DNAH9: variants seen among roughly 807,000 people sequenced by gnomAD.
DNAH9 encodes the protein DNAH9 variant protein.
DNAH9 carries 345 observed loss-of-function variants against 471.6 expected under a neutral mutation model. The observed-to-expected ratio is 0.73, with a 90% CI of 0.67 to 0.80. The LOEUF (loss-of-function observed/expected upper bound fraction) is 0.80, where lower values mean the gene tolerates loss of function less well. Among genes scored for constraint, DNAH9 ranks in the 30% least tolerant of loss-of-function variants. The pLI is 0.00. For synonymous variants in DNAH9, 2,093 were observed against 2,123.6 expected, an observed-to-expected ratio of 0.99 and a Z score of 0.40; for missense variants, 5,407 against 5,609.2, an observed-to-expected ratio of 0.96 and a Z score of 1.15.
chr17:11,787,782 TAGTG>T (rs1395823091), intron 41 of DNAH9, among the ~76,000 whole-genome samples: 4 of 152,194 alleles, frequency 2.6e-5, no homozygotes, highest in Non-Finnish European at 5.9e-5. Flanking sequence ...GTTCTTGTGG[TAGTG>T]AGTAAGTCTC....
intron 23 of DNAH9, among the ~76,000 whole-genome samples, chr17:11,700,773 G>A (rs1194611641): frequency 6.6e-6 from 1 of 152,202 alleles, no homozygotes; most frequent in Admixed American, 6.5e-5. Context: ...CATACTCAGA[G>A]TGGACAAGGT....
rs1567719967 is a variant in DNAH9 at position 11,689,618 on chromosome 17, C to T, written c.3796C>T (p.Gln1266Ter). 6.2e-7 allele frequency: 1 copy of T among 1,614,048 alleles called. No individual in the cohort carries two copies. Among genetic ancestry groups the T allele is most frequent in the South Asian group, 1.1e-5 (1 of 91,074 alleles). The stretch of plus-strand genomic sequence containing the variant: ...GCTGGATGCCAGGCACATCGAGATC[C>T]AGCAGATGGAATCCACTATGGCCTC... ...QMLDARHIEI[Q>*]QMESTMASIS... The change falls in exon 20 of 69, where the codon CAG (glutamine) becomes TAG (stop). Residue 1266 changes from glutamine (Q) to a stop codon, truncating the protein, a stop_gained. Coordinates refer to ENST00000262442, the MANE Select transcript of DNAH9 (RefSeq NM_001372.4). LOFTEE classifies it high-confidence loss of function.
At chr17:11,698,147 T>TA (rs1567728377) in intron 22 of DNAH9, among the ~76,000 whole-genome samples, 2 of 122,990 alleles carry the variant, frequency 1.6e-5, no homozygotes, top group African/African-American at 7.3e-5. Context: ...TATATTAGTA[T>TA]TATATTATTA....
chr17:11,924,506 T>C (rs544454037), intron 62 of DNAH9, among the ~76,000 whole-genome samples: 1 of 152,146 alleles, frequency 6.6e-6, no homozygotes, highest in East Asian at 1.9e-4. Context: ...GAGAGTTAAA[T>C]TAAAGAATTT....
intron 51 of DNAH9, 64 bp downstream of exon 51, chr17:11,869,317 G>A: frequency 6.3e-7 from 1 of 1,592,616 alleles, no homozygotes; most frequent in Non-Finnish European, 8.5e-7. Flanking sequence ...ATGCCGTGGA[G>A]GTGCAAGATA....
chr17:11,727,888 T>C lies in DNAH9; in HGVS notation c.5780T>C (p.Ile1927Thr). ...GGCTGCTTTGATGAGTTTAATCGAA[T>C]CTCCGTGGAGGTCTTGTCAGTGGTG... Reference protein sequence around the residue: ...AWGCFDEFNRISVEVLSVVAV... With the variant: ...AWGCFDEFNRTSVEVLSVVAV... The change falls in exon 28 of 69, where the codon ATC (isoleucine) becomes ACC (threonine). Residue 1927 changes from isoleucine (I) to threonine (T), a missense_variant. Coordinates refer to ENST00000262442, the MANE Select transcript of DNAH9 (RefSeq NM_001372.4). The C allele has an allele frequency of 6.2e-7, 1 of 1,614,126 alleles. No homozygotes were observed.
chr17:11,921,603 A>T (rs1003418209), intron 61 of DNAH9, among the ~76,000 whole-genome samples: 18 of 152,224 alleles, frequency 1.2e-4, no homozygotes, highest in African/African-American at 4.1e-4. Flanking sequence ...TCAAGGCCCA[A>T]TAAGCCATCT....
At chr17:11,763,415 G>A in intron 35 of DNAH9, 25 bp from the exon 36 acceptor site, 2 of 1,607,264 alleles carry the variant, frequency 1.2e-6, no homozygotes, top group Non-Finnish European at 1.7e-6. Context: ...CTGTGTTTCA[G>A]ATCCCCTCGG....
chr17:11,640,428 G>T, intron 10 of DNAH9, 44 bp downstream of exon 10: 1 of 1,266,816 alleles, frequency 7.9e-7, no homozygotes, highest in Non-Finnish European at 1.2e-6. Context: ...TTGGGCTGCT[G>T]TTCCTGCTCT....
chr17:11,787,231 C>A (rs1417370361), intron 41 of DNAH9, among the ~76,000 whole-genome samples: 2 of 152,156 alleles, frequency 1.3e-5, no homozygotes, highest in African/African-American at 4.8e-5. Flanking sequence ...AGAAGTGAGA[C>A]ACAGAAACAG....
At chr17:11,963,548 C>T (rs747524170) in intron 68 of DNAH9, among the ~76,000 whole-genome samples, 5 of 151,792 alleles carry the variant, frequency 3.3e-5, no homozygotes, top group African/African-American at 9.7e-5. Context: ...ACTAACTATC[C>T]GGTACTATGC....
Position 11,929,972 on chromosome 17 carries a change from C to G in DNAH9, c.11984C>G (p.Ala3995Gly). The G allele has an allele frequency of 6.2e-7, 1 of 1,614,046 alleles. No homozygotes were observed. The change falls in exon 63 of 69, where the codon GCA becomes GGA. Residue 3995 changes from alanine to glycine, a missense_variant. By Grantham distance (60) the Ala-to-Gly change is moderately conservative. Transcript: ENST00000262442. ...AGGGTCTTCATGAGTGCAGAGCCAGCACCCTCCCCTGAGGGCCACATCATC... is the reference window on the plus strand; with the variant it reads ...AGGGTCTTCATGAGTGCAGAGCCAGGACCCTCCCCTGAGGGCCACATCATC... ...EFRVFMSAEPAPSPEGHIIPQ... is the reference protein window; with the variant it reads ...EFRVFMSAEPGPSPEGHIIPQ...
Position 11,962,318 on chromosome 17 carries a change from C to T in DNAH9, c.13233+62C>T. ...GGGCTGATTAAATACACATTGCTTCCTATGAAGTGTGACTACTAAAAGAGA... is the reference window on the plus strand; with the variant it reads ...GGGCTGATTAAATACACATTGCTTCTTATGAAGTGTGACTACTAAAAGAGA... On this transcript the variant is annotated intron_variant, in intron 68 of 68. Coordinates refer to ENST00000262442, the MANE Select transcript of DNAH9 (RefSeq NM_001372.4). The surrounding 1 kb of genome is among the most constrained non-coding windows in gnomAD (Gnocchi z 4.1). 1 of 1,509,304 alleles carries T rather than the reference C, an allele frequency of 6.6e-7. No individual in the cohort carries two copies. 93.5% of individuals were successfully genotyped at this position (1,509,304 alleles called of 1,614,324 possible).
intron 66 of DNAH9, among the ~76,000 whole-genome samples, 156 bp from the exon 67 acceptor site, chr17:11,942,147 T>A (rs1163767409): frequency 2.6e-5 from 4 of 152,202 alleles, no homozygotes; most frequent in Non-Finnish European, 4.4e-5. Flanking sequence ...CTGACCTAGT[T>A]GACCTCGACA....
intron 61 of DNAH9, among the ~76,000 whole-genome samples, chr17:11,909,520 C>T (rs542485220): frequency 2.0e-5 from 3 of 152,270 alleles, no homozygotes; most frequent in South Asian, 2.1e-4. Context: ...TACGATTTCC[C>T]CTTGCTCCTT....
At chr17:11,791,444 G>T (rs954653093) in intron 41 of DNAH9, among the ~76,000 whole-genome samples, 5 of 152,228 alleles carry the variant, frequency 3.3e-5, no homozygotes, top group African/African-American at 1.2e-4. Flanking sequence ...GGGTGAGGTG[G>T]CTCTTGCCTG....
At chr17:11,797,887 CAGGTA>C in intron 43 of DNAH9, 94 bp downstream of exon 43, 1 of 1,306,824 alleles carries the variant, frequency 7.7e-7, no homozygotes, top group South Asian at 1.5e-5. Context: ...TCCGTAAAGC[CAGGTA>C]AGGAGCTCCG....
chr17:11,611,705 A>G lies in DNAH9; in HGVS notation c.829A>G (p.Met277Val), dbSNP rs113871716. The G allele has an allele frequency of 1.2e-6, 2 of 1,613,784 alleles. No homozygotes were observed. Among genetic ancestry groups the G allele is most frequent in the Non-Finnish European group, 1.7e-6 (2 of 1,179,616 alleles). ...NQLRTITVRGMAKLLDKLQSS... is the reference protein window; with the variant it reads ...NQLRTITVRGVAKLLDKLQSS... Reference sequence around the variant, plus strand: ...ACTGAGAACAATAACGGTGAGGGGCATGGCCAAGCTCCTGGACAAGCTTCA... The same window carrying G: ...ACTGAGAACAATAACGGTGAGGGGCGTGGCCAAGCTCCTGGACAAGCTTCA... Residue 277 changes from methionine (M) to valine (V), a missense_variant, in exon 4 of 69, where the codon ATG becomes GTG. Around this residue, in one of 3 missense-constraint regions of DNAH9, gnomAD observed 767 missense variants for 692.5 expected, o/e 1.11. Coordinates refer to ENST00000262442, the MANE Select transcript of DNAH9 (RefSeq NM_001372.4).
At chr17:11,771,852 A>G (rs1347487663) in intron 38 of DNAH9, among the ~76,000 whole-genome samples, 1 of 152,220 alleles carries the variant, frequency 6.6e-6, no homozygotes, top group East Asian at 1.9e-4. Context: ...AGGAGTGTGA[A>G]TCTGACTTAG....
Sources: allele counts gnomAD v4.1 joint callset (sites outside exome capture counted in the v4.1 genomes callset), GRCh38; gene constraint gnomAD v4.1.1; regional missense constraint gnomAD v4.1.1; non-coding constraint Gnocchi (gnomAD v3.1); transcripts MANE v1.5; gene names NCBI Gene and HGNC (gene_info 2026-07-23, HGNC 2026-07-21).